Variants in FAM240A observed in about 807,000 individuals in gnomAD.
FAM240A encodes protein FAM240A.
In FAM240A, 8 loss-of-function variants were observed where a neutral mutation model predicts 7.3. That is an observed-to-expected ratio of 1.09 (90% CI 0.64 to 1.97). The LOEUF (loss-of-function observed/expected upper bound fraction) is 1.97. Ranked by LOEUF, FAM240A falls within the 30% of genes most tolerant of loss-of-function variation. FAM240A has a pLI of 0.00. For synonymous variants in FAM240A, 32 were observed against 35.9 expected, an observed-to-expected ratio of 0.89 and a Z score of 0.38; for missense variants, 90 against 102.2, an observed-to-expected ratio of 0.88 and a Z score of 0.52.
chr3:46,616,783 T>C (rs1022186966), intron 1 of FAM240A, among the ~76,000 whole-genome samples: 3 of 152,148 alleles, frequency 2.0e-5, no homozygotes, highest in African/African-American at 7.2e-5. Context: ...TTTGACTCCA[T>C]ATCTTTGCAA....
At chr3:46,621,774 CAAAA>C (rs35560044) in intron 2 of FAM240A, among the ~76,000 whole-genome samples, 4 of 146,668 alleles carry the variant, frequency 2.7e-5, no homozygotes, top group Admixed American at 6.9e-5. Flanking sequence ...CCCGCCTTCT[CAAAA>C]AAAAAAAAAC....
chr3:46,618,788 C>T (rs755522478), intron 2 of FAM240A, among the ~76,000 whole-genome samples: 2 of 150,804 alleles, frequency 1.3e-5, no homozygotes, highest in African/African-American at 4.9e-5. Flanking sequence ...TGTGGTGAGC[C>T]GAGATCTTGC....
intron 1 of FAM240A, 129 bp downstream of exon 1, chr3:46,612,827 T>C (rs1697582057): frequency 4.0e-6 from 3 of 750,086 alleles, no homozygotes; most frequent in Non-Finnish European, 6.8e-6. Flanking sequence ...CAAGATTAGA[T>C]GGCGTTTTGG....
At chr3:46,623,547 A>G (rs73077569) in intron 2 of FAM240A, among the ~76,000 whole-genome samples, 1,829 of 152,260 alleles carry the variant, frequency 0.012, 22 homozygotes, top group Middle Eastern at 0.02. Flanking sequence ...ATTTTGCTTC[A>G]TGTATTTTGA....
intron 1 of FAM240A, 44 bp from the exon 2 acceptor site, chr3:46,617,139 T>G (rs1388976125): frequency 1.5e-6 from 2 of 1,304,120 alleles, no homozygotes; most frequent in Non-Finnish European, 2.1e-6. Flanking sequence ...TGAGCATTTC[T>G]TCATATGTTT....
intron 2 of FAM240A, 100 bp from the exon 3 acceptor site, chr3:46,625,028 A>G: frequency 1.4e-6 from 1 of 706,672 alleles, no homozygotes; most frequent in South Asian, 1.8e-5. Context: ...CTGAACACAT[A>G]CATGCAATTT....
chr3:46,613,647 T>G (rs1697594544), intron 1 of FAM240A, among the ~76,000 whole-genome samples: 1 of 152,154 alleles, frequency 6.6e-6, no homozygotes, highest in Non-Finnish European at 1.5e-5. Context: ...CTCTTTGTTC[T>G]GCAAGATTTC....
intron 2 of FAM240A, among the ~76,000 whole-genome samples, chr3:46,623,082 T>C (rs1006402400): frequency 1.3e-5 from 2 of 152,198 alleles, no homozygotes; most frequent in Non-Finnish European, 2.9e-5. Context: ...GTCATATATA[T>C]CTTTTGTCAG....
intron 2 of FAM240A, among the ~76,000 whole-genome samples, chr3:46,618,730 CT>C (rs1697658327): frequency 1.3e-5 from 2 of 151,782 alleles, no homozygotes; most frequent in South Asian, 4.2e-4. Context: ...ATCCCAGCTA[CT>C]CGGGAGGCTG....
intron 2 of FAM240A, among the ~76,000 whole-genome samples, chr3:46,620,232 A>C (rs547993361): frequency 1.3e-5 from 2 of 148,832 alleles, no homozygotes; most frequent in Admixed American, 1.3e-4. Flanking sequence ...TCTTCCCCAC[A>C]CCCTTCCTGC....
At chr3:46,623,078 T>C (rs1387530002) in intron 2 of FAM240A, among the ~76,000 whole-genome samples, 1 of 152,214 alleles carries the variant, frequency 6.6e-6, no homozygotes, top group Non-Finnish European at 1.5e-5. Context: ...ATAAGTCATA[T>C]ATATCTTTTG....
intron 2 of FAM240A, 59 bp from the exon 3 acceptor site, chr3:46,625,069 C>G: frequency 7.6e-7 from 1 of 1,317,534 alleles, no homozygotes; most frequent in Non-Finnish European, 1.1e-6. Context: ...AGAAAGCTCT[C>G]CTGAACCAAG....
intron 2 of FAM240A, among the ~76,000 whole-genome samples, chr3:46,622,079 A>G (rs1193046668): frequency 1.5e-5 from 2 of 134,770 alleles, no homozygotes; most frequent in Non-Finnish European, 3.2e-5. Flanking sequence ...CTCAATTTTG[A>G]TCAAGTCTAA....
At chr3:46,614,674 C>T (rs1575384090) in intron 1 of FAM240A, among the ~76,000 whole-genome samples, 1 of 152,204 alleles carries the variant, frequency 6.6e-6, no homozygotes, top group Non-Finnish European at 1.5e-5. Flanking sequence ...AGGACAAACG[C>T]TCTTACCCAG....
rs1334751381 is a variant in FAM240A, at chr3:46,625,768, GC to G, written c.*551del. 2.0e-5 allele frequency: 3 copies of G among 152,010 alleles called. No homozygotes were observed. The East Asian group carries it at 5.8e-4, about 29-fold the overall frequency. The allele number at this position is 152,010 out of a possible 1,614,324, so 9.4% of individuals were successfully genotyped here. A position where few individuals can be genotyped will look rare whatever the true frequency, so the allele number is the denominator to read the frequency against. ...TTTTTTCTTCATATAAATTTAATTA[GC>G]TTTTTCAAAAGTATGTTTACCAAGA... On this transcript the variant is annotated 3_prime_UTR_variant, in exon 3 of 3. Coordinates refer to ENST00000640551, the MANE Select transcript of FAM240A (RefSeq NM_001195442.2).
intron 1 of FAM240A, among the ~76,000 whole-genome samples, chr3:46,613,955 G>T (rs1326106596): frequency 6.6e-6 from 1 of 152,142 alleles, no homozygotes; most frequent in African/African-American, 2.4e-5. Flanking sequence ...GTCTCGCTTT[G>T]TCCCCCAGGC....
In FAM240A at chr3:46,625,477, C is replaced by A. The variant is rs191544797; in HGVS notation, c.*259C>A. The A allele has an allele frequency of 6.0e-4, 143 of 240,176 alleles. No homozygotes were observed. In the Admixed American group the frequency reaches 7.8e-3, roughly 13 times the overall value. The allele number at this position is 240,176 out of a possible 1,614,324, so 14.9% of individuals were successfully genotyped here. The stretch of plus-strand genomic sequence containing the variant: ...GCTTATTTAATATCGAAGCTCCATG[C>A]AGCATTCCTTGCTTCTATATAATTA... On this transcript the variant is annotated 3_prime_UTR_variant, in exon 3 of 3. Coordinates refer to ENST00000640551, the MANE Select transcript of FAM240A (RefSeq NM_001195442.2).
chr3:46,618,878 TATATACACACAC>T (rs757543941), intron 2 of FAM240A, among the ~76,000 whole-genome samples: 3,759 of 73,872 alleles, frequency 0.051, 78 homozygotes, highest in Non-Finnish European at 0.081. Context: ...TATATATATA[TATATACACACAC>T]ACACACACAC....
intron 2 of FAM240A, among the ~76,000 whole-genome samples, chr3:46,620,836 T>A (rs931588378): frequency 6.6e-6 from 1 of 152,250 alleles, no homozygotes; most frequent in African/African-American, 2.4e-5. Flanking sequence ...GAATATTTAT[T>A]TGATGATATC....
Sources: allele counts gnomAD v4.1 joint callset (sites outside exome capture counted in the v4.1 genomes callset), GRCh38; gene constraint gnomAD v4.1.1; transcripts MANE v1.5; gene names NCBI Gene and HGNC (gene_info 2026-07-23, HGNC 2026-07-21).